The following ANXA8 variants were observed in gnomAD, a reference collection of about 807,000 sequenced individuals.
ANXA8 encodes VAC-beta.
ANXA8 carries 9 observed loss-of-function variants against 26.8 expected under a neutral mutation model. That is an observed-to-expected ratio of 0.34 (90% CI 0.20 to 0.59). The LOEUF (loss-of-function observed/expected upper bound fraction) is 0.59. ANXA8 is among the 20% of genes least tolerant of loss of function. ANXA8 has a pLI of 0.84. For missense variants in ANXA8, 83 were observed against 238.5 expected (o/e 0.35, Z 4.29); for synonymous variants, 39 against 94.8 (o/e 0.41, Z 3.42).
the ANXA8 span, among the ~76,000 whole-genome samples, chr10:47,669,610 G>A: frequency 1.3e-5 from 2 of 151,776 alleles, no homozygotes; most frequent in East Asian, 3.9e-4. Context: ...AGCTACTTGG[G>A]AGGCTGAGGT....
chr10:47,578,917 C>G, the ANXA8 span, among the ~76,000 whole-genome samples: 43 of 150,810 alleles, frequency 2.9e-4, no homozygotes, highest in African/African-American at 9.0e-4. Flanking sequence ...GTTTCATTCT[C>G]AGCTCACTGC....
the ANXA8 span, among the ~76,000 whole-genome samples, chr10:47,697,361 T>C: frequency 6.6e-6 from 1 of 152,196 alleles, no homozygotes; most frequent in East Asian, 1.9e-4. Context: ...CATAATGTAG[T>C]AGTAACATAG....
chr10:47,651,519 A>G, the ANXA8 span, among the ~76,000 whole-genome samples: 1,817 of 150,120 alleles, frequency 0.012, no homozygotes, highest in African/African-American at 0.043. Flanking sequence ...ATACTTGTAC[A>G]TGAGTGTTAA....
the ANXA8 span, among the ~76,000 whole-genome samples, chr10:47,772,377 C>A: frequency 6.6e-6 from 1 of 152,262 alleles, no homozygotes; most frequent in African/African-American, 2.4e-5. Context: ...TGTTTATTTC[C>A]TCACTCACAT....
chr10:47,946,225 A>G, the ANXA8 span, among the ~76,000 whole-genome samples: 1 of 148,624 alleles, frequency 6.7e-6, no homozygotes, highest in African/African-American at 2.5e-5. Flanking sequence ...ATTCAGTTCA[A>G]ATATCATAGC....
At chr10:47,733,195 T>TTCTTTCTTTCTCTCTCTCTCTCTCTC in the ANXA8 span, among the ~76,000 whole-genome samples, 1 of 111,386 alleles carries the variant, frequency 9.0e-6, no homozygotes, top group Admixed American at 8.9e-5. Context: ...CTTTCTTTCT[T>TTCTTTCTTTCTCTCTCTCTCTCTCTC]TCTTTCTTTC....
the ANXA8 span, among the ~76,000 whole-genome samples, chr10:47,636,753 G>T: frequency 6.6e-6 from 1 of 152,154 alleles, no homozygotes; most frequent in Admixed American, 6.5e-5. Context: ...TAAAGGGTTA[G>T]CTCTCAGTGA....
chr10:47,644,158 C>T, the ANXA8 span, among the ~76,000 whole-genome samples: 5,821 of 138,536 alleles, frequency 0.042, 48 homozygotes, highest in Non-Finnish European at 0.062. Context: ...CATTTGAACA[C>T]TCTTTAGTGT....
chr10:47,679,042 C>CAAAAAAA, the ANXA8 span, among the ~76,000 whole-genome samples: 1 of 65,098 alleles, frequency 1.5e-5, no homozygotes, highest in Non-Finnish European at 2.8e-5. Context: ...GAACCTATCT[C>CAAAAAAA]AAAAAAAAAA....
chr10:47,533,185 T>G, the ANXA8 span, among the ~76,000 whole-genome samples: 1 of 102,396 alleles, frequency 9.8e-6, no homozygotes. Context: ...TAAACACACA[T>G]CACACACACA....
At chr10:47,563,533 C>T in the ANXA8 span, 2,611 of 752,624 alleles carry the variant, frequency 3.5e-3, 81 homozygotes, top group African/African-American at 0.04. Context: ...TTGAAACTTA[C>T]TGAAATTTGT....
At chr10:47,646,257 A>G in the ANXA8 span, among the ~76,000 whole-genome samples, 2 of 135,270 alleles carry the variant, frequency 1.5e-5, no homozygotes, top group Non-Finnish European at 3.0e-5. Context: ...CCAGCTTACC[A>G]TGATTATAAC....
the ANXA8 span, chr10:47,970,591 C>T: frequency 1.3e-5 from 2 of 151,442 alleles, 1 homozygote; most frequent in Admixed American, 1.3e-4. Context: ...AGTTCACTAG[C>T]TGACCTGACA....
chr10:47,949,544 T>C, the ANXA8 span, among the ~76,000 whole-genome samples: 1 of 150,660 alleles, frequency 6.6e-6, no homozygotes, highest in African/African-American at 2.5e-5. Flanking sequence ...AGATAATTGA[T>C]TGTTTAAACA....
At chr10:47,622,935 G>A in the ANXA8 span, among the ~76,000 whole-genome samples, 84 of 112,652 alleles carry the variant, frequency 7.5e-4, 27 homozygotes, top group Middle Eastern at 4.2e-3. Context: ...GTGTGTACTG[G>A]GTTCCTTCTT....
chr10:47,562,006 C>G, the ANXA8 span, among the ~76,000 whole-genome samples: 1 of 151,362 alleles, frequency 6.6e-6, no homozygotes, highest in Admixed American at 6.6e-5. Flanking sequence ...GAAAAATTAC[C>G]TGTAATTTTG....
At chr10:47,658,473 A>G in the ANXA8 span, among the ~76,000 whole-genome samples, 1 of 149,476 alleles carries the variant, frequency 6.7e-6, no homozygotes, top group Non-Finnish European at 1.5e-5. Context: ...CATAGCAATC[A>G]ACTTTTGGAG....
At chr10:47,731,092 A>G in the ANXA8 span, among the ~76,000 whole-genome samples, 1 of 152,262 alleles carries the variant, frequency 6.6e-6, no homozygotes, top group Non-Finnish European at 1.5e-5. Context: ...TGATTGTGGA[A>G]GAAGCTCATG....
the ANXA8 span, among the ~76,000 whole-genome samples, chr10:47,650,589 G>A: frequency 1.1e-4 from 16 of 147,154 alleles, no homozygotes; most frequent in African/African-American, 2.3e-4. Flanking sequence ...GGCGGATCAC[G>A]AGGTCAGGAG....
Sources: gnomAD v4.1 joint callset for allele counts (sites outside exome capture counted in the v4.1 genomes callset) on GRCh38, gnomAD v4.1.1 for gene constraint, MANE v1.5 for transcripts, NCBI Gene and HGNC (gene_info 2026-07-23, HGNC 2026-07-21) for gene names.